VPS13B: variants seen among roughly 807,000 people sequenced by gnomAD.
VPS13B encodes the protein intermembrane lipid transfer protein VPS13B.
A neutral mutation model predicts 426.4 loss-of-function variants in VPS13B; 285 were observed. That is an observed-to-expected ratio of 0.67 (90% confidence interval 0.61 to 0.74). The LOEUF is 0.74. Among genes scored for constraint, VPS13B ranks in the 30% least tolerant of loss-of-function variants. VPS13B has a pLI of 0.00. For missense variants in VPS13B, 4,537 were observed against 4,782.6 expected (o/e 0.95, Z 1.51); for synonymous variants, 1,676 against 1,676.4 (o/e 1.00, Z 0.01).
chr8:99,708,046 CA>C (rs1368402275), intron 36 of VPS13B, among the ~76,000 whole-genome samples: 3 of 152,174 alleles, frequency 2.0e-5, no homozygotes, highest in African/African-American at 7.2e-5. Context: ...AGTTTCCTCG[CA>C]TAATTCAATT....
rs189647529 is a variant in VPS13B at position 99,235,835 on chromosome 8, G to T, written c.2516-38363G>T. ...TTAGAACTACTTACTGTGAATTAGA[G>T]ATAATAGAGACATAAAACAAAAATT... On this transcript the variant is annotated intron_variant, in intron 17 of 61. Transcript: ENST00000357162. Among the ~76,000 whole-genome samples the T allele has an allele frequency of 2.1e-4, 32 of 152,240 alleles. No homozygotes were observed. The East Asian group carries it at 5.8e-3, about 28-fold the overall frequency.
At chr8:99,579,168 C>G (rs1003694887) in intron 33 of VPS13B, among the ~76,000 whole-genome samples, 2 of 152,094 alleles carry the variant, frequency 1.3e-5, no homozygotes, top group African/African-American at 2.4e-5. Flanking sequence ...TGGACCTTTT[C>G]CCAACCCTGG....
intron 17 of VPS13B, among the ~76,000 whole-genome samples, chr8:99,229,603 T>C (rs1464523661): frequency 6.6e-6 from 1 of 152,094 alleles, no homozygotes; most frequent in Non-Finnish European, 1.5e-5. Flanking sequence ...AGAAAAGGTA[T>C]GGAAGAAGAA....
intron 35 of VPS13B, among the ~76,000 whole-genome samples, chr8:99,695,664 A>G (rs1272330725): frequency 2.7e-5 from 4 of 147,952 alleles, no homozygotes; most frequent in East Asian, 2.0e-4. Context: ...TAACCTGCAC[A>G]ATGTGCACAT....
chr8:99,759,443 A>G (rs1810810289), intron 39 of VPS13B, among the ~76,000 whole-genome samples: 1 of 152,280 alleles, frequency 6.6e-6, no homozygotes, highest in Non-Finnish European at 1.5e-5. Flanking sequence ...TTGCATTCTT[A>G]GTTCATCATT....
At chr8:99,287,621 A>C (rs1051767654) in intron 19 of VPS13B, among the ~76,000 whole-genome samples, 4 of 152,044 alleles carry the variant, frequency 2.6e-5, no homozygotes, top group Non-Finnish European at 5.9e-5. Context: ...AAGTTATATA[A>C]AACTTAGTTA....
At chr8:99,774,800 A>G (rs145533842) in intron 40 of VPS13B, among the ~76,000 whole-genome samples, 235 of 152,346 alleles carry the variant, frequency 1.5e-3, no homozygotes, top group Non-Finnish European at 2.6e-3. Context: ...TGTTAACTCT[A>G]CAAATTCCTA....
Position 99,766,938 on chromosome 8 carries a change from G to C in VPS13B, c.7215G>C (p.Leu2405Phe), listed in dbSNP as rs1384176527. The change falls in exon 40 of 62, where the codon TTG becomes TTC. Residue 2405 changes from leucine to phenylalanine, a missense_variant. Physicochemically the swap from Leu to Phe is conservative, Grantham distance 22. Transcript: ENST00000357162. ...CTTCAGATCTTTGGAGAATTGTCTT[G>C]AACAGCAGTCAAAATGGAGCTGATG... ...LVSSDLWRIV[L>F]NSSQNGADDQ... 6.2e-7 allele frequency: 1 copy of C among 1,613,876 alleles called. No individual in the cohort carries two copies.
At chr8:99,422,291 T>A (rs1816418962) in intron 21 of VPS13B, among the ~76,000 whole-genome samples, 1 of 152,184 alleles carries the variant, frequency 6.6e-6, no homozygotes, top group Non-Finnish European at 1.5e-5. Flanking sequence ...TCTCTAAATT[T>A]TTTCATTAGA....
At chr8:99,663,920 T>A (rs1371148868) in intron 35 of VPS13B, among the ~76,000 whole-genome samples, 2 of 152,190 alleles carry the variant, frequency 1.3e-5, no homozygotes, top group Non-Finnish European at 2.9e-5. Context: ...CCAAATCAAT[T>A]GAATTTTAAG....
rs1350773456 is a variant in VPS13B, at chr8:99,818,471, C to T, written c.8382C>T (p.Ser2794=). The T allele has an allele frequency of 1.2e-6, 2 of 1,613,998 alleles. No individual in the cohort carries two copies. The highest frequency in any genetic ancestry group is 1.7e-5 in the Admixed American group (1 of 60,004). ...TGCAGGTGCCATCTTCAAACAGTTC[C>T]ATTATTTATGTCTGGTGCACAGTTT... ...IVIQVPSSNS[S]IIYVWCTVLT... Residue 2794 remains serine (S), a synonymous_variant, in exon 46 of 62, where the codon TCC becomes TCT. Transcript: ENST00000357162.
chr8:99,816,106 CTCT>C (rs201983320), intron 44 of VPS13B, among the ~76,000 whole-genome samples: 2,110 of 147,430 alleles, frequency 0.014, 55 homozygotes, highest in African/African-American at 0.051. Flanking sequence ...CTCTCTCTCT[CTCT>C]TTTTTTTTTT....
chr8:99,466,858 C>T (rs569450672), intron 23 of VPS13B, among the ~76,000 whole-genome samples: 1 of 152,204 alleles, frequency 6.6e-6, no homozygotes, highest in South Asian at 2.1e-4. Flanking sequence ...ATTGTTTATT[C>T]TTTTCCTGTC....
rs13273111 is a variant in VPS13B, at chr8:99,548,727, T to G, written c.4746-7723T>G. ...AATAGAGATTAGTGACTATTTCAAG[T>G]TGAGGGAAAAAATCCTCCTATTTTT... On this transcript the variant is annotated intron_variant, in intron 30 of 61. Coordinates refer to ENST00000357162, the MANE Select transcript of VPS13B (RefSeq NM_152564.5). Among the ~76,000 whole-genome samples, 1,127 of 152,092 alleles carry G rather than the reference T, an allele frequency of 7.4e-3. 7 individuals carry two copies. Among genetic ancestry groups the G allele is most frequent in the Middle Eastern group, 0.014 (4 of 286 alleles).
At chr8:99,086,729 C>T (rs1315969456) in intron 3 of VPS13B, among the ~76,000 whole-genome samples, 1 of 152,208 alleles carries the variant, frequency 6.6e-6, no homozygotes, top group Non-Finnish European at 1.5e-5. Flanking sequence ...CCACTCCAGA[C>T]CCTGTTTGCC....
chr8:99,316,964 A>G (rs1809699880), intron 19 of VPS13B, among the ~76,000 whole-genome samples: 1 of 152,226 alleles, frequency 6.6e-6, no homozygotes, highest in Admixed American at 6.5e-5. Flanking sequence ...GAATCTTGAT[A>G]TTATGAAATA....
chr8:99,274,912 A>G (rs1158692454), intron 18 of VPS13B, among the ~76,000 whole-genome samples, 169 bp from the exon 19 acceptor site: 1 of 152,186 alleles, frequency 6.6e-6, no homozygotes, highest in African/African-American at 2.4e-5. Flanking sequence ...AAAACTTAAG[A>G]GTTAAAAATG....
At chr8:99,835,142 G>A (rs977029060) in intron 52 of VPS13B, 55 bp from the exon 53 acceptor site, 12 of 1,611,014 alleles carry the variant, frequency 7.4e-6, no homozygotes, top group Non-Finnish European at 1.0e-5. Context: ...CCAGAGGAGA[G>A]AGCATTCATT....
intron 36 of VPS13B, among the ~76,000 whole-genome samples, chr8:99,702,698 ACAT>A (rs1235373746): frequency 6.6e-6 from 1 of 152,178 alleles, no homozygotes; most frequent in Non-Finnish European, 1.5e-5. Flanking sequence ...CTGTGCAAAA[ACAT>A]CATGGAAAAA....
Sources: allele counts gnomAD v4.1 joint callset (sites outside exome capture counted in the v4.1 genomes callset), GRCh38; gene constraint gnomAD v4.1.1; transcripts MANE v1.5; gene names NCBI Gene and HGNC (gene_info 2026-07-23, HGNC 2026-07-21).